EYS: variants seen among roughly 807,000 people sequenced by gnomAD.
EYS encodes the protein protein eyes shut homolog.
A neutral mutation model predicts 282.1 loss-of-function variants in EYS; 250 were observed. The observed-to-expected ratio is 0.89, with a 90% confidence interval of 0.80 to 0.98. EYS has a LOEUF of 0.98. Ranked by LOEUF, EYS falls within the 50% of genes least tolerant of loss-of-function variation. The probability of loss-of-function intolerance (pLI) is 0.00; values close to 1 mark genes in which losing one functional copy is unlikely to be tolerated. For synonymous variants in EYS, 1,355 were observed against 1,282.9 expected (o/e 1.06, Z -1.20); for missense variants, 4,016 against 3,709.0 (o/e 1.08, Z -2.15).
chr6:64,475,314 G>A lies in EYS; in HGVS notation c.5645-35962C>T, dbSNP rs1481467204. Among the ~76,000 whole-genome samples, 2 of 71,302 alleles carry A rather than the reference G, an allele frequency of 2.8e-5. 1 individual carries two copies. The highest frequency in any genetic ancestry group is 6.7e-5 in the Non-Finnish European group (2 of 30,054). The allele number at this position is 71,302 out of a possible 152,430, so 46.8% of individuals were successfully genotyped here. On this transcript the variant is annotated intron_variant, in intron 26 of 42. Transcript: ENST00000503581. ...CGCCTGTAATCCCAGCACTTTGGGA[G>A]GCCGAGGCGGGCGGATCACAAGGTC...
At chr6:63,800,632 T>A (rs1368834932) in intron 37 of EYS, among the ~76,000 whole-genome samples, 4 of 152,018 alleles carry the variant, frequency 2.6e-5, no homozygotes, top group African/African-American at 9.7e-5. Context: ...TGAAACCGCG[T>A]CTCTATTAAA....
chr6:64,387,662 G>A (rs1191176236), intron 29 of EYS, among the ~76,000 whole-genome samples: 1 of 151,998 alleles, frequency 6.6e-6, no homozygotes, highest in Non-Finnish European at 1.5e-5. Context: ...TTTTAGAATG[G>A]TTTCATTTAC....
At chr6:64,279,403 T>G (rs1244979388) in intron 30 of EYS, among the ~76,000 whole-genome samples, 1 of 152,056 alleles carries the variant, frequency 6.6e-6, no homozygotes, top group Non-Finnish European at 1.5e-5. Flanking sequence ...AACAGAAAAT[T>G]TATAGTCAGG....
At chr6:63,823,220 A>G (rs1303773321) in intron 36 of EYS, among the ~76,000 whole-genome samples, 3 of 152,150 alleles carry the variant, frequency 2.0e-5, no homozygotes, top group Non-Finnish European at 2.9e-5. Context: ...AAATTGGTCC[A>G]TAGTTTTATT....
At chr6:63,841,971 T>G (rs1446190346) in intron 36 of EYS, among the ~76,000 whole-genome samples, 1 of 152,142 alleles carries the variant, frequency 6.6e-6, no homozygotes, top group East Asian at 1.9e-4. Flanking sequence ...TAGTATTCCA[T>G]GTATATGTGC....
chr6:64,170,548 G>C (rs774284487), intron 31 of EYS, among the ~76,000 whole-genome samples: 1 of 151,342 alleles, frequency 6.6e-6, no homozygotes, highest in Non-Finnish European at 1.5e-5. Context: ...TGGCTGCATC[G>C]CTGCCTTGTA....
chr6:65,572,828 A>G (rs1764525578), intron 2 of EYS, among the ~76,000 whole-genome samples: 1 of 152,156 alleles, frequency 6.6e-6, no homozygotes, highest in Non-Finnish European at 1.5e-5. Context: ...ATACAGGAAC[A>G]TCTATTTTAA....
At chr6:64,626,268 A>G in intron 22 of EYS, 23 bp from the exon 23 acceptor site, 1 of 1,517,788 alleles carries the variant, frequency 6.6e-7, no homozygotes. Context: ...AATGAAAACG[A>G]TATTTGTATA....
At chr6:64,218,559 C>G (rs1225743526) in intron 31 of EYS, among the ~76,000 whole-genome samples, 2 of 152,112 alleles carry the variant, frequency 1.3e-5, no homozygotes, top group Admixed American at 1.3e-4. Context: ...CTACTTGTCC[C>G]CCTCACTTAA....
In EYS at chr6:64,822,659, T is replaced by A; in HGVS notation, c.3156A>T (p.Leu1052=). The A allele has an allele frequency of 6.5e-7, 1 of 1,537,466 alleles. No individual in the cohort carries two copies. Among genetic ancestry groups the A allele is most frequent in the East Asian group, 2.5e-5 (1 of 40,516 alleles). ...ATAAAAAAAATAGCTACCTTCCATG[T>A]AGACAAGGATTTGAAAGGCAATCAT... The part of the protein sequence containing the change: ...NANDCLSNPC[L]HGRCTELINE... The change falls in exon 20 of 43, where the codon CTA becomes CTT. Residue 1052 remains leucine (L), a synonymous_variant. Coordinates refer to ENST00000503581, the MANE Select transcript of EYS (RefSeq NM_001142800.2).
At chr6:65,092,041 T>C (rs2150178314) in intron 12 of EYS, among the ~76,000 whole-genome samples, 2 of 152,282 alleles carry the variant, frequency 1.3e-5, no homozygotes, top group South Asian at 2.1e-4. Context: ...GAAAATAGTA[T>C]TTATTATAGC....
intron 31 of EYS, among the ~76,000 whole-genome samples, chr6:64,109,290 T>C (rs1773131618): frequency 6.6e-6 from 1 of 152,126 alleles, no homozygotes; most frequent in Non-Finnish European, 1.5e-5. Context: ...TACTAATACT[T>C]TACACAAAGC....
At chr6:63,838,994 G>A (rs1455659867) in intron 36 of EYS, among the ~76,000 whole-genome samples, 2 of 152,016 alleles carry the variant, frequency 1.3e-5, no homozygotes, top group African/African-American at 4.8e-5. Context: ...AATACATATA[G>A]GCAATGTGTG....
chr6:64,004,606 T>C (rs1768254673), intron 33 of EYS, among the ~76,000 whole-genome samples: 1 of 152,160 alleles, frequency 6.6e-6, no homozygotes, highest in Non-Finnish European at 1.5e-5. Flanking sequence ...GTCATCATCC[T>C]CCCACCCTCC....
intron 13 of EYS, among the ~76,000 whole-genome samples, chr6:65,056,691 C>CT: frequency 6.6e-6 from 1 of 151,892 alleles, no homozygotes; most frequent in Admixed American, 6.6e-5. Flanking sequence ...ATTGATATCC[C>CT]ACCTGCCCAA....
intron 5 of EYS, 95 bp from the exon 6 acceptor site, chr6:65,405,462 C>G (rs553450715): frequency 8.3e-5 from 82 of 992,592 alleles, no homozygotes; most frequent in Admixed American, 6.7e-4. Context: ...GAAAATTTCT[C>G]TAGAGTTTAT....
intron 20 of EYS, 51 bp from the exon 21 acceptor site, chr6:64,821,774 T>C (rs1426555758): frequency 4.6e-6 from 5 of 1,089,676 alleles, no homozygotes; most frequent in Admixed American, 2.2e-5. Flanking sequence ...TGTTAAAGCA[T>C]AACTTCAAGG....
At chr6:64,983,156 A>G (rs1770737629) in intron 14 of EYS, among the ~76,000 whole-genome samples, 1 of 151,268 alleles carries the variant, frequency 6.6e-6, no homozygotes, top group Non-Finnish European at 1.5e-5. Context: ...TGATTTACTC[A>G]TAGAGTACCA....
chr6:63,937,427 C>A (rs1346860996), intron 35 of EYS, among the ~76,000 whole-genome samples: 1 of 116,898 alleles, frequency 8.6e-6, no homozygotes, highest in Non-Finnish European at 1.6e-5. Context: ...GTTGCCCAGG[C>A]TGGAGTGCAG....
Sources: gnomAD v4.1 joint callset for allele counts (sites outside exome capture counted in the v4.1 genomes callset) on GRCh38, gnomAD v4.1.1 for gene constraint, MANE v1.5 for transcripts, NCBI Gene and HGNC (gene_info 2026-07-23, HGNC 2026-07-21) for gene names.